RPGRIP1L: variants seen among roughly 807,000 people sequenced by gnomAD.
RPGRIP1L encodes RPGRIP1 like, also known as protein fantom.
Under a neutral mutation model 160.4 loss-of-function variants are expected in RPGRIP1L, and 131 were observed. That is an observed-to-expected ratio of 0.82 (90% CI 0.71 to 0.94). The LOEUF is 0.94. RPGRIP1L is among the 40% of genes least tolerant of loss of function. The pLI is 0.00. For synonymous variants in RPGRIP1L, 510 were observed against 515.8 expected (o/e 0.99, Z 0.15); for missense variants, 1,522 against 1,535.8 (o/e 0.99, Z 0.15).
chr16:53,639,179 G>A (rs1243014359), intron 19 of RPGRIP1L, among the ~76,000 whole-genome samples: 1 of 151,766 alleles, frequency 6.6e-6, no homozygotes, highest in East Asian at 1.9e-4. Context: ...TACAGCTTAT[G>A]ACTTTTACTA....
At chr16:53,654,505 AT>A (rs1160777721) in intron 14 of RPGRIP1L, among the ~76,000 whole-genome samples, 3 of 152,194 alleles carry the variant, frequency 2.0e-5, no homozygotes, top group Admixed American at 6.5e-5. Context: ...TCTTGCCTGA[AT>A]CTTGAGGTAG....
intron 2 of RPGRIP1L, among the ~76,000 whole-genome samples, chr16:53,697,433 T>C (rs1970864115): frequency 6.6e-6 from 1 of 152,066 alleles, no homozygotes. Context: ...ACTGTGCTGC[T>C]GCCATCTCGG....
Position 53,622,414 on chromosome 16 carries a change from G to C in RPGRIP1L, c.3295-58C>G, listed in dbSNP as rs183252911. On this transcript the variant is annotated intron_variant, in intron 22 of 26. Coordinates refer to ENST00000647211, the MANE Select transcript of RPGRIP1L (RefSeq NM_015272.5). Reference sequence around the variant, plus strand: ...TAAGAAGCACATTAAATGCATAATAGACAACTTCATCTCAGCATGTCAGAA... The same window carrying C: ...TAAGAAGCACATTAAATGCATAATACACAACTTCATCTCAGCATGTCAGAA... 2.8e-4 allele frequency: 158 copies of C among 560,788 alleles called. No homozygotes were observed. In the African/African-American group the frequency reaches 2.9e-3, roughly 10 times the overall value. 34.7% of individuals were successfully genotyped at this position (560,788 alleles called of 1,614,324 possible).
Position 53,612,489 on chromosome 16 carries a change from A to ACTTTTTTTTTTTTTT in RPGRIP1L, c.3617-1439_3617-1438insAAAAAAAAAAAAAAG, listed in dbSNP as rs756195329. Reference sequence around the variant, plus strand: ...AAGGGGAACTTTTTTTCCAAATGGGATTTTTTTTTTTTTTTTTTGCTGTTA... The same window carrying ACTTTTTTTTTTTTTT: ...AAGGGGAACTTTTTTTCCAAATGGGACTTTTTTTTTTTTTTTTTTTTTTTTTTTTTTTTGCTGTTA... On this transcript the variant is annotated intron_variant, in intron 24 of 26. Transcript: ENST00000647211. 2.3e-5 allele frequency among the ~76,000 whole-genome samples: 3 copies of ACTTTTTTTTTTTTTT among 131,574 alleles called. 1 individual carries two copies. The allele number at this position is 131,574 out of a possible 152,430, so 86.3% of individuals were successfully genotyped here.
Position 53,602,136 on chromosome 16 carries a change from G to C in RPGRIP1L, c.3888C>G (p.Val1296=). ...GEGIGKLRVT[V]EALHALQSVY... ...CAGACTGGAGGGCATGGAGAGCTTC[G>C]ACTGTTACCCTGAGCTTGCCAATAC... The change falls in exon 27 of 27, where the codon GTC becomes GTG. Residue 1296 remains valine (V), a synonymous_variant. Coordinates refer to ENST00000647211, the MANE Select transcript of RPGRIP1L (RefSeq NM_015272.5). 2.5e-6 allele frequency: 4 copies of C among 1,613,948 alleles called. No homozygotes were observed. Among genetic ancestry groups the C allele is most frequent in the Non-Finnish European group, 3.4e-6 (4 of 1,179,922 alleles).
In RPGRIP1L at chr16:53,618,222, A is replaced by G. The variant is rs371221599; in HGVS notation, c.3616+803T>C. On this transcript the variant is annotated intron_variant, in intron 24 of 26. Coordinates refer to ENST00000647211, the MANE Select transcript of RPGRIP1L (RefSeq NM_015272.5). ...ATGGATGTGTGTGCTATATGATGAAAGGTGTAGTAAGAACTTATGCTTCAC... is the reference window on the plus strand; with the variant it reads ...ATGGATGTGTGTGCTATATGATGAAGGGTGTAGTAAGAACTTATGCTTCAC... Among the ~76,000 whole-genome samples, 11 of 152,326 alleles carry G rather than the reference A, an allele frequency of 7.2e-5. 1 individual carries two copies. In the South Asian group the frequency reaches 2.3e-3, roughly 32 times the overall value.
chr16:53,667,265 G>C (rs910925237), intron 9 of RPGRIP1L, among the ~76,000 whole-genome samples: 1 of 152,108 alleles, frequency 6.6e-6, no homozygotes, highest in Non-Finnish European at 1.5e-5. Flanking sequence ...GGCAGACATG[G>C]GTCAGCAAAC....
rs987512823 is a variant in RPGRIP1L, at chr16:53,687,965, C to A, written c.530G>T (p.Gly177Val). ...NAGLQECPRK[G>V]IKFQDADVAE... ...TACATCTGCATCTTGGAATTTTATA[C>A]CTAAAAACAAAGTAATAAAATATGA... Residue 177 changes from glycine (G) to valine (V), a missense_variant and splice_region_variant, in exon 5 of 27, where the codon GGT becomes GTT. Transcript: ENST00000647211. 9 of 1,555,922 alleles carry A rather than the reference C, an allele frequency of 5.8e-6. No homozygotes were observed. The highest frequency in any genetic ancestry group is 1.7e-4 in the Middle Eastern group (1 of 5,828).
chr16:53,688,838 T>C (rs73609950), intron 4 of RPGRIP1L, among the ~76,000 whole-genome samples: 24,808 of 151,890 alleles, frequency 0.16, 2,115 homozygotes, highest in Middle Eastern at 0.21. Flanking sequence ...CTTTCCAAAG[T>C]AGTCAATATC....
chr16:53,658,002 C>T (rs1391444674), intron 12 of RPGRIP1L, among the ~76,000 whole-genome samples: 3 of 151,894 alleles, frequency 2.0e-5, no homozygotes, highest in Non-Finnish European at 2.9e-5. Flanking sequence ...ACAGAATATT[C>T]TAGAATTAAA....
intron 8 of RPGRIP1L, 98 bp downstream of exon 8, chr16:53,672,772 T>C (rs1468203516): frequency 7.3e-6 from 8 of 1,101,962 alleles, no homozygotes; most frequent in Admixed American, 1.9e-5. Context: ...CTTATAATTT[T>C]AAATAAGTAC....
In RPGRIP1L at chr16:53,641,421, A is replaced by G; in HGVS notation, c.2738T>C (p.Ile913Thr). 2.5e-6 allele frequency: 4 copies of G among 1,613,944 alleles called. No individual in the cohort carries two copies. Among genetic ancestry groups the G allele is most frequent in the Non-Finnish European group, 3.4e-6 (4 of 1,179,818 alleles). Residue 913 changes from isoleucine (I) to threonine (T), a missense_variant, in exon 18 of 27, where the codon ATA becomes ACA. Ile to Thr is a moderately conservative substitution (Grantham distance 89). Coordinates refer to ENST00000647211, the MANE Select transcript of RPGRIP1L (RefSeq NM_015272.5). ...AAGGTAAGCAAATTTCCATTTCAAT[A>G]TAACATGGATGGTGCCAGCAGGATG... ...QKHPAGTIHV[I>T]LKWKFAYLPP...
At chr16:53,701,064 A>G (rs1251159563) in intron 1 of RPGRIP1L, among the ~76,000 whole-genome samples, 6 of 152,214 alleles carry the variant, frequency 3.9e-5, no homozygotes, top group Non-Finnish European at 5.9e-5. Context: ...CAGGAACTTG[A>G]TTCAAATGGT....
At chr16:53,676,612 T>C (rs1431996398) in intron 6 of RPGRIP1L, among the ~76,000 whole-genome samples, 1 of 152,052 alleles carries the variant, frequency 6.6e-6, no homozygotes, top group African/African-American at 2.4e-5. Context: ...TATTTTATTT[T>C]TGTTTTAAAG....
At chr16:53,699,817 CAAAAAA>C (rs71146704) in intron 2 of RPGRIP1L, among the ~76,000 whole-genome samples, 9 of 94,620 alleles carry the variant, frequency 9.5e-5, no homozygotes, top group Admixed American at 2.3e-4. Context: ...GACTTCGTCT[CAAAAAA>C]AAAAAAAAAA....
intron 2 of RPGRIP1L, among the ~76,000 whole-genome samples, chr16:53,699,091 CG>C (rs1430681620): frequency 2.0e-5 from 3 of 152,030 alleles, no homozygotes; most frequent in Non-Finnish European, 4.4e-5. Context: ...GACCTTACCC[CG>C]CAACCCTGTG....
intron 4 of RPGRIP1L, among the ~76,000 whole-genome samples, chr16:53,690,475 C>A (rs1416690643): frequency 6.6e-6 from 1 of 152,122 alleles, no homozygotes; most frequent in Admixed American, 6.5e-5. Flanking sequence ...GGATTATAGG[C>A]GTGAGTCACT....
intron 25 of RPGRIP1L, 137 bp from the exon 26 acceptor site, chr16:53,605,751 T>C (rs1963642261): frequency 2.4e-6 from 2 of 849,604 alleles, no homozygotes; most frequent in Non-Finnish European, 3.8e-6. Context: ...AAAGGTACAC[T>C]AGGCTAGATA....
chr16:53,641,341 CTT>C lies in RPGRIP1L; in HGVS notation c.2816_2817del (p.Glu939GlyfsTer15). Reference protein sequence around the residue: ...TEDLGNFIRSEEPEVVQRLPP... With the variant: ...TEDLGNFIRSXEPEVVQRLPP... Reference sequence around the variant, plus strand: ...GGAAGTCTTTGAACAACTTCTGGCTCTTCGCTGCGAATGAAATTTCCTAAGTC... The same window carrying C: ...GGAAGTCTTTGAACAACTTCTGGCTCCGCTGCGAATGAAATTTCCTAAGTC... On this transcript the variant is annotated frameshift_variant, in exon 18 of 27. Transcript: ENST00000647211. LOFTEE classifies it high-confidence loss of function. The C allele has an allele frequency of 1.2e-6, 2 of 1,614,114 alleles. No homozygotes were observed. Among genetic ancestry groups the C allele is most frequent in the Non-Finnish European group, 8.5e-7 (1 of 1,179,996 alleles).
Sources: gnomAD v4.1 joint callset for allele counts (sites outside exome capture counted in the v4.1 genomes callset) on GRCh38, gnomAD v4.1.1 for gene constraint, MANE v1.5 for transcripts, NCBI Gene and HGNC (gene_info 2026-07-23, HGNC 2026-07-21) for gene names.